Variants in SPOCK3 observed in about 807,000 individuals in gnomAD.
SPOCK3 encodes the protein testican-3.
Under a neutral mutation model 56.6 loss-of-function variants are expected in SPOCK3, and 30 were observed. That is an observed-to-expected ratio of 0.53 (90% confidence interval 0.40 to 0.72). The LOEUF is 0.72. Ranked by LOEUF, SPOCK3 falls within the 30% of genes least tolerant of loss-of-function variation. The pLI is 0.00. For synonymous variants in SPOCK3, 196 were observed against 183.3 expected, an observed-to-expected ratio of 1.07 and a Z score of -0.56; for missense variants, 527 against 530.0, an observed-to-expected ratio of 0.99 and a Z score of 0.06.
intron 3 of SPOCK3, among the ~76,000 whole-genome samples, chr4:167,033,738 T>G (rs1226346259): frequency 6.6e-6 from 1 of 151,976 alleles, no homozygotes; most frequent in Non-Finnish European, 1.5e-5. Flanking sequence ...CAAAAATATT[T>G]ATAGAAATTT....
intron 5 of SPOCK3, among the ~76,000 whole-genome samples, chr4:166,900,779 G>A (rs950880216): frequency 4.6e-5 from 7 of 152,144 alleles, no homozygotes; most frequent in African/African-American, 1.7e-4. Flanking sequence ...CTTGTGTAAA[G>A]TTTAGGAGTT....
At chr4:166,830,340 C>T (rs1443822710) in intron 6 of SPOCK3, among the ~76,000 whole-genome samples, 2 of 152,122 alleles carry the variant, frequency 1.3e-5, no homozygotes, top group Non-Finnish European at 2.9e-5. Context: ...AAATGTTTCT[C>T]TTCATTTAAA....
At chr4:166,814,444 G>C (rs1020321882) in intron 6 of SPOCK3, among the ~76,000 whole-genome samples, 1 of 152,040 alleles carries the variant, frequency 6.6e-6, no homozygotes, top group Non-Finnish European at 1.5e-5. Context: ...TCATTAGGTG[G>C]GTGGGAATCA....
chr4:166,766,447 A>G (rs972645562), intron 7 of SPOCK3, among the ~76,000 whole-genome samples: 3 of 152,116 alleles, frequency 2.0e-5, no homozygotes, highest in Non-Finnish European at 2.9e-5. Flanking sequence ...TGAGATAATC[A>G]TGTGGTTTTT....
intron 3 of SPOCK3, among the ~76,000 whole-genome samples, chr4:167,050,035 G>T (rs2150218058): frequency 6.6e-6 from 1 of 152,310 alleles, no homozygotes; most frequent in African/African-American, 2.4e-5. Flanking sequence ...TTAAGGTAGT[G>T]TAAGTGTCTT....
intron 4 of SPOCK3, among the ~76,000 whole-genome samples, chr4:166,923,052 C>T (rs1028371168): frequency 6.6e-6 from 1 of 152,214 alleles, no homozygotes; most frequent in African/African-American, 2.4e-5. Flanking sequence ...TATCTCTTGA[C>T]TGAAATCAAG....
chr4:166,833,649 C>T (rs979716703), intron 6 of SPOCK3, among the ~76,000 whole-genome samples: 4 of 152,152 alleles, frequency 2.6e-5, no homozygotes, highest in Admixed American at 6.5e-5. Context: ...CACATATTCC[C>T]CATTCTTTTT....
chr4:166,944,085 T>C (rs1741429033), intron 4 of SPOCK3, among the ~76,000 whole-genome samples: 1 of 152,098 alleles, frequency 6.6e-6, no homozygotes, highest in Non-Finnish European at 1.5e-5. Context: ...AGGCGAAGGT[T>C]ACAGTGAGAC....
chr4:167,153,513 G>A (rs10005736), intron 2 of SPOCK3, among the ~76,000 whole-genome samples: 18,399 of 151,988 alleles, frequency 0.12, 1,301 homozygotes, highest in Admixed American at 0.18. Context: ...TCAGAAACTC[G>A]TGCCACATTC....
chr4:166,953,791 T>C (rs1253960132), intron 4 of SPOCK3, among the ~76,000 whole-genome samples: 3 of 151,952 alleles, frequency 2.0e-5, no homozygotes, highest in Non-Finnish European at 2.9e-5. Context: ...TGTAGGGACA[T>C]GGATGAAATT....
intron 3 of SPOCK3, among the ~76,000 whole-genome samples, chr4:167,024,815 C>A (rs1751547163): frequency 6.6e-6 from 1 of 151,710 alleles, no homozygotes; most frequent in Non-Finnish European, 1.5e-5. Flanking sequence ...CTCATGTAAC[C>A]AAATGCCACC....
At chr4:167,216,670 G>C (rs1041310502) in intron 2 of SPOCK3, among the ~76,000 whole-genome samples, 1 of 152,058 alleles carries the variant, frequency 6.6e-6, no homozygotes, top group African/African-American at 2.4e-5. Flanking sequence ...TAAGAGTTGT[G>C]TTCTGTAGAA....
chr4:166,863,982 A>T (rs955050206), intron 6 of SPOCK3, among the ~76,000 whole-genome samples: 1 of 152,196 alleles, frequency 6.6e-6, no homozygotes, highest in African/African-American at 2.4e-5. Context: ...CAGAATATAC[A>T]TTCTTCTCAG....
chr4:166,764,233 CA>C (rs201559273), intron 7 of SPOCK3, among the ~76,000 whole-genome samples: 1,663 of 152,146 alleles, frequency 0.011, 30 homozygotes, highest in African/African-American at 0.038. Flanking sequence ...GGTACATGTG[CA>C]CAACGTGCAG....
chr4:167,056,661 C>T (rs1031929401), intron 3 of SPOCK3, among the ~76,000 whole-genome samples: 4 of 151,882 alleles, frequency 2.6e-5, no homozygotes, highest in African/African-American at 7.3e-5. Context: ...GGAGCCAATG[C>T]GATCAACTGG....
intron 6 of SPOCK3, among the ~76,000 whole-genome samples, chr4:166,822,784 C>A (rs1745066282): frequency 6.6e-6 from 1 of 151,868 alleles, no homozygotes; most frequent in African/African-American, 2.4e-5. Flanking sequence ...AGTTCTGGGC[C>A]TTTAACTCTA....
intron 6 of SPOCK3, among the ~76,000 whole-genome samples, chr4:166,809,616 A>C (rs944311409): frequency 1.1e-4 from 17 of 152,108 alleles, no homozygotes; most frequent in Non-Finnish European, 2.2e-4. Flanking sequence ...TAGACAAATT[A>C]TTCTTTCAGG....
chr4:167,234,626 T>G, upstream of SPOCK3: 1 of 190,756 alleles, frequency 5.2e-6, no homozygotes, highest in Non-Finnish European at 1.1e-5. Context: ...ATCTCCAGCT[T>G]ACTCCCCTCC....
chr4:166,783,585 A>G (rs1740412211), intron 7 of SPOCK3, among the ~76,000 whole-genome samples: 1 of 152,160 alleles, frequency 6.6e-6, no homozygotes, highest in Non-Finnish European at 1.5e-5. Context: ...CCTTGCTGTG[A>G]TATGTTGAAA....
Sources: allele counts gnomAD v4.1 joint callset (sites outside exome capture counted in the v4.1 genomes callset), GRCh38; gene constraint gnomAD v4.1.1; transcripts MANE v1.5; gene names NCBI Gene and HGNC (gene_info 2026-07-23, HGNC 2026-07-21).